The following EYS variants were observed in gnomAD, a reference collection of about 807,000 sequenced individuals.
EYS encodes EGF-like photoreceptor maintenance factor.
A neutral mutation model predicts 282.1 loss-of-function variants in EYS; 250 were observed. The ratio of observed to expected loss-of-function variants is 0.89; its 90% CI spans 0.80 to 0.98. The LOEUF (loss-of-function observed/expected upper bound fraction) is 0.98. EYS is among the 50% of genes least tolerant of loss of function. The pLI, the probability that EYS is intolerant of heterozygous loss-of-function variation, is 0.00. For missense variants in EYS, 4,016 were observed against 3,709.0 expected (o/e 1.08, Z -2.15); for synonymous variants, 1,355 against 1,282.9 (o/e 1.06, Z -1.20).
At chr6:64,259,646 A>ACG (rs200492676) in intron 30 of EYS, among the ~76,000 whole-genome samples, 10,535 of 146,172 alleles carry the variant, frequency 0.072, 408 homozygotes, top group Middle Eastern at 0.087. Flanking sequence ...ACTTTTACAC[A>ACG]CGCGCACACA....
chr6:65,058,143 T>C (rs1055055292), intron 12 of EYS, among the ~76,000 whole-genome samples: 1 of 152,064 alleles, frequency 6.6e-6, no homozygotes, highest in Non-Finnish European at 1.5e-5. Context: ...GAGGGCTGAA[T>C]GTTATTTGTT....
intron 22 of EYS, chr6:64,631,173 T>C (rs1449398115): frequency 2.0e-5 from 3 of 152,188 alleles, no homozygotes; most frequent in Admixed American, 2.0e-4. Context: ...TGAAAGCAAC[T>C]GTTAAAAATG....
intron 13 of EYS, among the ~76,000 whole-genome samples, chr6:65,012,686 C>T (rs1229711835): frequency 6.6e-6 from 1 of 151,968 alleles, no homozygotes; most frequent in Non-Finnish European, 1.5e-5. Flanking sequence ...TGCCTAGAAG[C>T]TGCTGAGGAT....
intron 5 of EYS, among the ~76,000 whole-genome samples, chr6:65,445,137 A>G (rs986050923): frequency 6.6e-6 from 1 of 151,846 alleles, no homozygotes; most frequent in Non-Finnish European, 1.5e-5. Flanking sequence ...TTGATTGTTA[A>G]TGTTTTGATA....
chr6:65,411,674 C>T (rs908132446), intron 5 of EYS, among the ~76,000 whole-genome samples: 2 of 152,062 alleles, frequency 1.3e-5, no homozygotes, highest in Admixed American at 1.3e-4. Flanking sequence ...CATCGATTTT[C>T]TCCATCTCTA....
intron 31 of EYS, among the ~76,000 whole-genome samples, chr6:64,169,101 C>G (rs1012522828): frequency 1.1e-4 from 16 of 152,148 alleles, no homozygotes; most frequent in Admixed American, 6.6e-5. Flanking sequence ...TTTGTGAGCT[C>G]CATAACAGTA....
At position 65,502,822 on chromosome 6, in the gene EYS, AG is replaced by A. The variant is rs559063442; in HGVS notation, c.-332-6830del. Among the ~76,000 whole-genome samples the A allele has an allele frequency of 1.1e-3, 166 of 151,716 alleles. 1 individual carries two copies. Among genetic ancestry groups the A allele is most frequent in the African/African-American group, 3.4e-3 (142 of 41,486 alleles). On this transcript the variant is annotated intron_variant, in intron 2 of 42. Coordinates refer to ENST00000503581, the MANE Select transcript of EYS (RefSeq NM_001142800.2). ...CAAAAGTAATATGTACTGGGGAGAA[AG>A]GCCACAGAAGTAAAATCTTCTTTAA...
At chr6:64,207,810 A>G (rs1191272143) in intron 31 of EYS, among the ~76,000 whole-genome samples, 2 of 152,142 alleles carry the variant, frequency 1.3e-5, no homozygotes, top group African/African-American at 4.8e-5. Context: ...GGCATGTGCC[A>G]CCACACCCGG....
intron 8 of EYS, among the ~76,000 whole-genome samples, chr6:65,370,742 C>A (rs973476452): frequency 1.3e-5 from 2 of 151,846 alleles, no homozygotes; most frequent in Non-Finnish European, 2.9e-5. Flanking sequence ...AAAGAGTTCT[C>A]CTGCTCAGTT....
chr6:65,407,208 G>T (rs1170408704), intron 5 of EYS, among the ~76,000 whole-genome samples: 1 of 151,836 alleles, frequency 6.6e-6, no homozygotes, highest in Non-Finnish European at 1.5e-5. Flanking sequence ...CATTTTGAAG[G>T]TCATGTAACT....
chr6:64,356,715 G>C (rs1771834934), intron 29 of EYS, among the ~76,000 whole-genome samples: 3 of 151,600 alleles, frequency 2.0e-5, no homozygotes. Context: ...ATTATCCAGT[G>C]TTTGCCAAAT....
intron 32 of EYS, among the ~76,000 whole-genome samples, chr6:64,066,997 T>C (rs931298857): frequency 1.3e-5 from 2 of 152,142 alleles, no homozygotes; most frequent in African/African-American, 4.8e-5. Context: ...TAGAGAAATA[T>C]ATAGAGAAAA....
chr6:64,385,291 AGT>A (rs575280653), intron 29 of EYS, among the ~76,000 whole-genome samples: 53 of 152,328 alleles, frequency 3.5e-4, no homozygotes, highest in African/African-American at 1.3e-3. Context: ...TAGCAATATA[AGT>A]GTATGTCTCA....
intron 9 of EYS, among the ~76,000 whole-genome samples, chr6:65,346,625 C>A (rs907703144): frequency 4.6e-5 from 7 of 151,372 alleles, no homozygotes; most frequent in Non-Finnish European, 1.0e-4. Context: ...AGATGTGATA[C>A]CCAATTTTTG....
intron 14 of EYS, among the ~76,000 whole-genome samples, chr6:64,951,101 C>T (rs74563290): frequency 5.9e-5 from 9 of 151,546 alleles, no homozygotes; most frequent in African/African-American, 9.7e-5. Context: ...AGTGAGCCCA[C>T]AATTTGATCA....
chr6:64,745,568 C>A (rs542865678), intron 22 of EYS, among the ~76,000 whole-genome samples: 1 of 151,868 alleles, frequency 6.6e-6, no homozygotes, highest in Non-Finnish European at 1.5e-5. Context: ...GTTACTTAAG[C>A]GACAATATTT....
chr6:65,017,272 T>C (rs953036299), intron 13 of EYS, among the ~76,000 whole-genome samples: 1 of 152,212 alleles, frequency 6.6e-6, no homozygotes, highest in Non-Finnish European at 1.5e-5. Context: ...ATATTATTAA[T>C]GTACTTATTT....
At chr6:64,005,362 T>C (rs1768296040) in intron 33 of EYS, among the ~76,000 whole-genome samples, 1 of 152,186 alleles carries the variant, frequency 6.6e-6, no homozygotes, top group South Asian at 2.1e-4. Context: ...ACTGAATCTG[T>C]ATATTAGATC....
chr6:64,195,420 A>C lies in EYS; in HGVS notation c.6424+35172T>G, dbSNP rs558645275. On this transcript the variant is annotated intron_variant, in intron 31 of 42. Coordinates refer to ENST00000503581, the MANE Select transcript of EYS (RefSeq NM_001142800.2). ...CAAGTTCAAGTGATTCTCCTGCCTC[A>C]GCCTCCCAAGTAGCTGGGACTACAG... 3.3e-5 allele frequency among the ~76,000 whole-genome samples: 5 copies of C among 152,288 alleles called. No homozygotes were observed. In the East Asian group the frequency reaches 9.7e-4, roughly 29 times the overall value.
Sources: allele counts gnomAD v4.1 joint callset (sites outside exome capture counted in the v4.1 genomes callset), GRCh38; gene constraint gnomAD v4.1.1; transcripts MANE v1.5; gene names NCBI Gene and HGNC (gene_info 2026-07-23, HGNC 2026-07-21).